Variants in PCTP observed in about 807,000 individuals in gnomAD.
PCTP encodes the protein START domain-containing protein 2.
Under a neutral mutation model 31.0 loss-of-function variants are expected in PCTP, and 27 were observed. The ratio of observed to expected loss-of-function variants is 0.87; its 90% CI spans 0.64 to 1.20. The LOEUF (loss-of-function observed/expected upper bound fraction) is 1.20. Ranked by LOEUF, PCTP falls within the 50% of genes most tolerant of loss-of-function variation. PCTP has a pLI of 0.00. For synonymous variants in PCTP, 108 were observed against 101.2 expected, an observed-to-expected ratio of 1.07 and a Z score of -0.40; for missense variants, 287 against 268.2, an observed-to-expected ratio of 1.07 and a Z score of -0.49.
chr17:55,817,689 C>T (rs1330867426), intron 3 of PCTP, among the ~76,000 whole-genome samples: 3 of 152,182 alleles, frequency 2.0e-5, no homozygotes, highest in South Asian at 2.1e-4. Context: ...GTCTGAAGCT[C>T]AAATTTCACA....
intron 1 of PCTP, among the ~76,000 whole-genome samples, chr17:55,765,361 A>G (rs1443163424): frequency 6.6e-6 from 1 of 152,124 alleles, no homozygotes. Context: ...AAGCCCACCA[A>G]TCACCTCTTC....
At chr17:55,837,175 C>A (rs1405485968) in intron 5 of PCTP, among the ~76,000 whole-genome samples, 3 of 152,184 alleles carry the variant, frequency 2.0e-5, no homozygotes, top group Admixed American at 6.5e-5. Flanking sequence ...GATGGAGGTG[C>A]AGCCAATGAT....
intron 3 of PCTP, among the ~76,000 whole-genome samples, chr17:55,794,349 G>A (rs968042422): frequency 5.3e-5 from 8 of 151,568 alleles, no homozygotes; most frequent in Admixed American, 4.6e-4. Context: ...CTTATATGGA[G>A]TATATTTATA....
At chr17:55,789,007 G>T (rs1394447246) in intron 3 of PCTP, among the ~76,000 whole-genome samples, 7 of 152,104 alleles carry the variant, frequency 4.6e-5, no homozygotes, top group Non-Finnish European at 1.0e-4. Flanking sequence ...GCACCTACTG[G>T]CTTCCTGCCT....
intron 1 of PCTP, among the ~76,000 whole-genome samples, chr17:55,760,658 C>A (rs1225788147): frequency 6.6e-6 from 1 of 152,168 alleles, no homozygotes. Flanking sequence ...ATTCATCTTT[C>A]TCTATACCTG....
At chr17:55,821,291 A>G (rs1017073170) in intron 3 of PCTP, among the ~76,000 whole-genome samples, 10 of 152,248 alleles carry the variant, frequency 6.6e-5, no homozygotes, top group Admixed American at 4.6e-4. Flanking sequence ...AAAGGATCAT[A>G]TATCATTTCA....
intron 3 of PCTP, among the ~76,000 whole-genome samples, chr17:55,803,021 CA>C (rs1240954711): frequency 6.6e-6 from 1 of 152,160 alleles, no homozygotes; most frequent in African/African-American, 2.4e-5. Context: ...TCTCAGGATA[CA>C]AAATCAATGG....
At position 55,751,094 on chromosome 17, in the gene PCTP, C is replaced by T. The variant is rs1453551848; in HGVS notation, c.-10C>T. The T allele has an allele frequency of 8.5e-6, 13 of 1,529,804 alleles. No homozygotes were observed. The highest frequency in any genetic ancestry group is 1.4e-5 in the African/African-American group (1 of 72,116). 94.8% of individuals were successfully genotyped at this position (1,529,804 alleles called of 1,614,324 possible). Reference sequence around the variant, plus strand: ...TGCCCTCCAGGCGGAGGAGCCCGGACTGCGGAAGGATGGAGCTGGCCGCCG... The same window carrying T: ...TGCCCTCCAGGCGGAGGAGCCCGGATTGCGGAAGGATGGAGCTGGCCGCCG... On this transcript the variant is annotated 5_prime_UTR_variant, in exon 1 of 6. Coordinates refer to ENST00000268896, the MANE Select transcript of PCTP (RefSeq NM_021213.4).
At chr17:55,791,069 T>A (rs909268614) in intron 3 of PCTP, among the ~76,000 whole-genome samples, 3 of 151,660 alleles carry the variant, frequency 2.0e-5, no homozygotes, top group Non-Finnish European at 3.0e-5. Context: ...ATTCCCTATT[T>A]AATAAATGGT....
chr17:55,787,241 A>G (rs1443198639), intron 2 of PCTP, among the ~76,000 whole-genome samples: 2 of 151,120 alleles, frequency 1.3e-5, no homozygotes, highest in Non-Finnish European at 2.9e-5. Flanking sequence ...TGGACCACAA[A>G]ATGTGAAAAC....
At chr17:55,845,160 T>A (rs1320327253), downstream of PCTP, among the ~76,000 whole-genome samples, 3 of 149,442 alleles carry the variant, frequency 2.0e-5, no homozygotes, top group African/African-American at 7.4e-5. Context: ...CACTAAACAT[T>A]TAATAAATGC....
chr17:55,781,376 C>T (rs1911559396), downstream of PCTP, among the ~76,000 whole-genome samples: 1 of 152,208 alleles, frequency 6.6e-6, no homozygotes, highest in African/African-American at 2.4e-5. Context: ...AATCTATTCC[C>T]TCTAAGATAT....
chr17:55,852,388 T>G, the PCTP span, among the ~76,000 whole-genome samples: 4 of 152,262 alleles, frequency 2.6e-5, no homozygotes, highest in East Asian at 7.7e-4. Flanking sequence ...ACACTCCCAT[T>G]GATATTTAAG....
chr17:55,839,938 A>AAAAAAAAAAAAAAAAAAAAC (rs1905915038), intron 5 of PCTP, among the ~76,000 whole-genome samples: 1 of 150,190 alleles, frequency 6.7e-6, no homozygotes, highest in Non-Finnish European at 1.5e-5. Flanking sequence ...AAAAAAAAAA[A>AAAAAAAAAAAAAAAAAAAAC]AAAAAAAAAC....
intron 3 of PCTP, among the ~76,000 whole-genome samples, chr17:55,802,587 A>G (rs542575601): frequency 2.6e-5 from 4 of 152,344 alleles, no homozygotes; most frequent in African/African-American, 9.6e-5. Context: ...AATAAATGTA[A>G]TCCATCACAT....
chr17:55,792,966 C>T (rs1414692134), intron 3 of PCTP, among the ~76,000 whole-genome samples: 1 of 152,070 alleles, frequency 6.6e-6, no homozygotes, highest in Non-Finnish European at 1.5e-5. Context: ...AGTTCCCCAA[C>T]ATATACTCCA....
intron 2 of PCTP, among the ~76,000 whole-genome samples, chr17:55,785,348 TAGA>T (rs750513758): frequency 3.3e-5 from 5 of 152,230 alleles, no homozygotes; most frequent in South Asian, 4.1e-4. Context: ...TGAGTGAGAT[TAGA>T]AGAAGATCCT....
At chr17:55,814,947 T>G (rs1179104489) in intron 3 of PCTP, among the ~76,000 whole-genome samples, 1 of 152,182 alleles carries the variant, frequency 6.6e-6, no homozygotes, top group East Asian at 1.9e-4. Context: ...CAGCCTCTGT[T>G]TCAGCTTTGA....
At chr17:55,837,947 G>A (rs1366459802) in intron 5 of PCTP, among the ~76,000 whole-genome samples, 1 of 151,440 alleles carries the variant, frequency 6.6e-6, no homozygotes, top group Non-Finnish European at 1.5e-5. Flanking sequence ...GACCAGCCTG[G>A]GAAATATAGA....
Sources: allele counts gnomAD v4.1 joint callset (sites outside exome capture counted in the v4.1 genomes callset), GRCh38; gene constraint gnomAD v4.1.1; transcripts MANE v1.5; gene names NCBI Gene and HGNC (gene_info 2026-07-23, HGNC 2026-07-21).